Variants in MAGI2 observed in about 807,000 individuals in gnomAD.
MAGI2 encodes membrane associated guanylate kinase, WW and PDZ domain containing 2.
Under a neutral mutation model 133.3 loss-of-function variants are expected in MAGI2, and 35 were observed. That is an observed-to-expected ratio of 0.26 (90% CI 0.20 to 0.35). The LOEUF (loss-of-function observed/expected upper bound fraction) is 0.35, where lower values mean the gene tolerates loss of function less well. MAGI2 is among the 10% of genes least tolerant of loss of function. MAGI2 has a pLI of 1.00. For synonymous variants in MAGI2, 729 were observed against 710.6 expected (o/e 1.03, Z -0.41); for missense variants, 1,636 against 1,863.4 (o/e 0.88, Z 2.25).
intron 3 of MAGI2, among the ~76,000 whole-genome samples, chr7:78,603,916 G>C (rs374688822): frequency 1.3e-5 from 2 of 152,178 alleles, no homozygotes; most frequent in Non-Finnish European, 2.9e-5. Context: ...CTATATGACA[G>C]GTACTGTGGT....
At chr7:78,497,442 A>C (rs1176964593) in intron 5 of MAGI2, among the ~76,000 whole-genome samples, 1 of 152,212 alleles carries the variant, frequency 6.6e-6, no homozygotes, top group South Asian at 2.1e-4. Flanking sequence ...CTGCTAGTTT[A>C]CCAGGGTTGC....
intron 15 of MAGI2, among the ~76,000 whole-genome samples, chr7:78,161,296 C>T (rs1312275227): frequency 1.3e-5 from 2 of 152,110 alleles, no homozygotes; most frequent in Non-Finnish European, 2.9e-5. Context: ...GAAAGAATTT[C>T]GTCATTTTAA....
At chr7:79,026,426 TA>T (rs1809887812) in intron 1 of MAGI2, among the ~76,000 whole-genome samples, 2 of 152,116 alleles carry the variant, frequency 1.3e-5, no homozygotes, top group African/African-American at 4.8e-5. Flanking sequence ...TAACTTTTTA[TA>T]AAAAATGTCA....
At chr7:78,901,416 A>G (rs1200093630) in intron 2 of MAGI2, 3 of 152,208 alleles carry the variant, frequency 2.0e-5, no homozygotes, top group African/African-American at 7.2e-5. Flanking sequence ...GGTACCGATG[A>G]TAGCTGCTAA....
At chr7:78,071,410 A>G (rs985832498) in intron 21 of MAGI2, among the ~76,000 whole-genome samples, 1 of 152,082 alleles carries the variant, frequency 6.6e-6, no homozygotes, top group African/African-American at 2.4e-5. Context: ...GGTGGTGCAT[A>G]CCTGTAGTCC....
intron 7 of MAGI2, among the ~76,000 whole-genome samples, chr7:78,362,728 C>T (rs1792951107): frequency 6.6e-6 from 1 of 152,184 alleles, no homozygotes; most frequent in Non-Finnish European, 1.5e-5. Flanking sequence ...GTTTTGATAT[C>T]CATGCTCCTT....
chr7:78,057,908 G>T (rs11766879), intron 21 of MAGI2, among the ~76,000 whole-genome samples: 6,585 of 143,008 alleles, frequency 0.046, 193 homozygotes, highest in South Asian at 0.081. Flanking sequence ...AATGGAAAAG[G>T]CCAACTGAAC....
At chr7:78,901,906 CA>C (rs1355831347) in intron 2 of MAGI2, among the ~76,000 whole-genome samples, 1 of 152,012 alleles carries the variant, frequency 6.6e-6, no homozygotes, top group Non-Finnish European at 1.5e-5. Context: ...ACATAAGGAA[CA>C]GATGGAAATA....
chr7:79,247,488 C>G (rs1832909121), intron 1 of MAGI2, among the ~76,000 whole-genome samples: 1 of 152,036 alleles, frequency 6.6e-6, no homozygotes. Flanking sequence ...TGGCACGTAC[C>G]TGTGGTCCCA....
intron 2 of MAGI2, among the ~76,000 whole-genome samples, chr7:78,830,843 A>G (rs1791081459): frequency 6.6e-6 from 1 of 152,180 alleles, no homozygotes; most frequent in Non-Finnish European, 1.5e-5. Flanking sequence ...GCCTTGGGCT[A>G]TGGAAATAAG....
intron 13 of MAGI2, among the ~76,000 whole-genome samples, chr7:78,181,603 T>A (rs552208129): frequency 3.3e-5 from 5 of 152,156 alleles, no homozygotes; most frequent in Admixed American, 6.5e-5. Flanking sequence ...AGAAGTTGGG[T>A]CCTCGGATCC....
At chr7:78,207,527 C>T (rs1243178104) in intron 10 of MAGI2, among the ~76,000 whole-genome samples, 5 of 152,168 alleles carry the variant, frequency 3.3e-5, no homozygotes, top group Non-Finnish European at 7.3e-5. Flanking sequence ...AAATGTAAGC[C>T]AGCAGAGTCA....
chr7:78,080,219 T>C (rs1277392543), intron 20 of MAGI2, among the ~76,000 whole-genome samples: 1 of 152,200 alleles, frequency 6.6e-6, no homozygotes, highest in South Asian at 2.1e-4. Flanking sequence ...ATGACATCTC[T>C]ACCTAAGGAT....
chr7:78,838,813 T>G (rs193180042), intron 2 of MAGI2, among the ~76,000 whole-genome samples: 5 of 152,114 alleles, frequency 3.3e-5, no homozygotes, highest in African/African-American at 1.2e-4. Flanking sequence ...ACTATCAAAG[T>G]AAAATGTAAT....
chr7:78,350,071 G>GT (rs1358306381), intron 7 of MAGI2: 3 of 152,042 alleles, frequency 2.0e-5, no homozygotes, highest in Admixed American at 6.5e-5. Flanking sequence ...AGCTAAAAGC[G>GT]TAAGAGTCAT....
chr7:78,679,825 G>T (rs534684103), intron 2 of MAGI2, among the ~76,000 whole-genome samples: 1 of 152,010 alleles, frequency 6.6e-6, no homozygotes, highest in Non-Finnish European at 1.5e-5. Flanking sequence ...TAAGGAAATT[G>T]TGCCCTAGAT....
intron 1 of MAGI2, among the ~76,000 whole-genome samples, chr7:79,427,917 C>T (rs930332439): frequency 6.6e-6 from 1 of 151,920 alleles, no homozygotes; most frequent in Non-Finnish European, 1.5e-5. Flanking sequence ...ATATACAGTG[C>T]TAACAGATGA....
chr7:78,127,885 A>G (rs1157374864), intron 18 of MAGI2, among the ~76,000 whole-genome samples: 2 of 152,208 alleles, frequency 1.3e-5, no homozygotes, highest in Admixed American at 1.3e-4. Flanking sequence ...GATTGAAGTG[A>G]TCTCTAAATA....
At chr7:79,155,904 A>G (rs1001865702) in intron 1 of MAGI2, among the ~76,000 whole-genome samples, 2 of 152,264 alleles carry the variant, frequency 1.3e-5, no homozygotes, top group South Asian at 2.1e-4. Flanking sequence ...TAAGTGAAGA[A>G]GCATCAAACT....
Sources: allele counts gnomAD v4.1 joint callset (sites outside exome capture counted in the v4.1 genomes callset), GRCh38; gene constraint gnomAD v4.1.1; transcripts MANE v1.5; gene names NCBI Gene and HGNC (gene_info 2026-07-23, HGNC 2026-07-21).